Variants in HCRTR2 observed in about 807,000 individuals in gnomAD.
The protein encoded by HCRTR2 is orexin receptor type 2.
Under a neutral mutation model 49.0 loss-of-function variants are expected in HCRTR2, and 22 were observed. That is an observed-to-expected ratio of 0.45 (90% CI 0.32 to 0.64). The LOEUF (loss-of-function observed/expected upper bound fraction) is 0.64. HCRTR2 is among the 30% of genes least tolerant of loss of function. HCRTR2 has a pLI of 0.04. For synonymous variants in HCRTR2, 236 were observed against 205.3 expected (o/e 1.15, Z -1.28); for missense variants, 491 against 559.4 (o/e 0.88, Z 1.23).
chr6:55,148,747 G>A (rs1328506790), intron 1 of HCRTR2, among the ~76,000 whole-genome samples: 2 of 151,944 alleles, frequency 1.3e-5, no homozygotes, highest in East Asian at 1.9e-4. Flanking sequence ...ATCATGGCTG[G>A]GATTCAGGTA....
chr6:55,269,352 C>G (rs1766927152), intron 4 of HCRTR2, among the ~76,000 whole-genome samples: 1 of 151,728 alleles, frequency 6.6e-6, no homozygotes, highest in African/African-American at 2.4e-5. Flanking sequence ...GGCAAACAGG[C>G]AAGAGATAAT....
At chr6:55,249,864 T>C (rs1766515141) in intron 2 of HCRTR2, among the ~76,000 whole-genome samples, 1 of 152,092 alleles carries the variant, frequency 6.6e-6, no homozygotes, top group South Asian at 2.1e-4. Context: ...TGTCTTCCCA[T>C]AGCTTTCCTG....
chr6:55,172,956 C>A (rs1283147940), upstream of HCRTR2, among the ~76,000 whole-genome samples: 1 of 152,096 alleles, frequency 6.6e-6, no homozygotes, highest in African/African-American at 2.4e-5. Context: ...AAGACTCAAA[C>A]CATATTATTG....
chr6:55,162,867 A>T (rs1161524329), intron 1 of HCRTR2, among the ~76,000 whole-genome samples: 1 of 152,208 alleles, frequency 6.6e-6, no homozygotes, highest in Non-Finnish European at 1.5e-5. Flanking sequence ...AGGAAGAATC[A>T]ATATCATGAC....
At chr6:55,180,499 C>T (rs75151800) in intron 1 of HCRTR2, among the ~76,000 whole-genome samples, 3 of 152,232 alleles carry the variant, frequency 2.0e-5, no homozygotes, top group African/African-American at 4.8e-5. Flanking sequence ...CAATCAAGGT[C>T]GGGCTAGGGT....
intron 1 of HCRTR2, among the ~76,000 whole-genome samples, chr6:55,125,574 TATG>T (rs1764262425): frequency 6.6e-6 from 1 of 152,196 alleles, no homozygotes; most frequent in Non-Finnish European, 1.5e-5. Context: ...CCTTGGTGAA[TATG>T]ATGATTCTGT....
chr6:55,244,336 CTT>C (rs79594729), intron 1 of HCRTR2, among the ~76,000 whole-genome samples: 26,190 of 151,786 alleles, frequency 0.17, 2,738 homozygotes, highest in Non-Finnish European at 0.24. Flanking sequence ...TTTTATGACA[CTT>C]ATCCATTAAT....
chr6:55,131,705 G>A (rs959164682), intron 1 of HCRTR2, among the ~76,000 whole-genome samples: 3 of 151,796 alleles, frequency 2.0e-5, no homozygotes, highest in African/African-American at 7.2e-5. Context: ...TGTTTTAGAT[G>A]TGCTAAGAAT....
At chr6:55,242,835 G>A (rs974609679) in intron 1 of HCRTR2, among the ~76,000 whole-genome samples, 9 of 152,148 alleles carry the variant, frequency 5.9e-5, no homozygotes, top group Non-Finnish European at 1.3e-4. Context: ...TATTATAAGT[G>A]AAATAATGGC....
chr6:55,253,460 T>A (rs1220849085), intron 2 of HCRTR2, among the ~76,000 whole-genome samples: 2 of 152,160 alleles, frequency 1.3e-5, no homozygotes, highest in African/African-American at 4.8e-5. Flanking sequence ...TATTATGAGA[T>A]CAATATAACC....
intron 1 of HCRTR2, among the ~76,000 whole-genome samples, chr6:55,223,035 CTTAAT>C (rs1765928253): frequency 6.6e-6 from 1 of 152,136 alleles, no homozygotes; most frequent in African/African-American, 2.4e-5. Context: ...GTAGAGTTTA[CTTAAT>C]TTGTTAATAT....
At chr6:55,281,897 T>C (rs1204504875) in intron 6 of HCRTR2, among the ~76,000 whole-genome samples, 1 of 152,180 alleles carries the variant, frequency 6.6e-6, no homozygotes, top group Non-Finnish European at 1.5e-5. Context: ...CTGAGAGTTC[T>C]TCTACTGATG....
chr6:55,248,605 G>A (rs766131879), intron 1 of HCRTR2, 34 bp from the exon 2 acceptor site: 8 of 1,560,644 alleles, frequency 5.1e-6, no homozygotes, highest in Non-Finnish European at 7.1e-6. Context: ...TATTTTCTTT[G>A]TTGAGTGCCT....
intron 1 of HCRTR2, among the ~76,000 whole-genome samples, chr6:55,244,519 C>T (rs1231740335): frequency 6.6e-6 from 1 of 151,882 alleles, no homozygotes; most frequent in Non-Finnish European, 1.5e-5. Flanking sequence ...AGATTTCAAG[C>T]ATAATTAATG....
chr6:55,224,932 C>T (rs1191154169), intron 1 of HCRTR2, among the ~76,000 whole-genome samples: 1 of 152,060 alleles, frequency 6.6e-6, no homozygotes, highest in Non-Finnish European at 1.5e-5. Flanking sequence ...TTCAAGAGAT[C>T]TATTGTACAT....
chr6:55,269,331 A>C (rs146071132), intron 4 of HCRTR2, among the ~76,000 whole-genome samples: 1 of 152,078 alleles, frequency 6.6e-6, no homozygotes, highest in Non-Finnish European at 1.5e-5. Flanking sequence ...AACAGAACTG[A>C]TTCTTTTCAG....
intron 1 of HCRTR2, among the ~76,000 whole-genome samples, chr6:55,186,334 T>A (rs1313682138): frequency 6.6e-6 from 1 of 152,186 alleles, no homozygotes; most frequent in African/African-American, 2.4e-5. Flanking sequence ...AAATAAAGCT[T>A]CAATAATTTG....
At chr6:55,214,957 C>T (rs1581834413) in intron 1 of HCRTR2, among the ~76,000 whole-genome samples, 1 of 151,910 alleles carries the variant, frequency 6.6e-6, no homozygotes, top group African/African-American at 2.4e-5. Context: ...ATCAAGTAGA[C>T]CAATATGTGT....
chr6:55,146,457 T>C (rs1177577928), intron 1 of HCRTR2, among the ~76,000 whole-genome samples: 3 of 152,106 alleles, frequency 2.0e-5, no homozygotes, highest in Non-Finnish European at 2.9e-5. Context: ...AAAATGCTAA[T>C]TCATTCCTGG....
Sources: gnomAD v4.1 joint callset for allele counts (sites outside exome capture counted in the v4.1 genomes callset) on GRCh38, gnomAD v4.1.1 for gene constraint, MANE v1.5 for transcripts, NCBI Gene and HGNC (gene_info 2026-07-23, HGNC 2026-07-21) for gene names.